The following FHIT variants were observed in gnomAD, a reference collection of about 807,000 sequenced individuals.
FHIT encodes the protein fragile histidine triad diadenosine triphosphatase, also known as bis(5'-adenosyl)-triphosphatase.
A neutral mutation model predicts 17.9 loss-of-function variants in FHIT; 19 were observed. The ratio of observed to expected loss-of-function variants is 1.06; its 90% CI spans 0.74 to 1.56. The LOEUF is 1.56. Among genes scored for constraint, FHIT ranks in the 40% most tolerant of loss-of-function variants. The probability of loss-of-function intolerance (pLI) is 0.00; values close to 1 mark genes in which losing one functional copy is unlikely to be tolerated. For missense variants in FHIT, 248 were observed against 189.2 expected (o/e 1.31, Z -1.82); for synonymous variants, 81 against 69.7 (o/e 1.16, Z -0.81).
At chr3:60,164,059 A>AT (rs201433252) in intron 5 of FHIT, among the ~76,000 whole-genome samples, 120 of 151,996 alleles carry the variant, frequency 7.9e-4, no homozygotes, top group African/African-American at 2.8e-3. Context: ...CAACAAAAAC[A>AT]TTTTTTTTGG....
chr3:60,071,601 G>C (rs1327853692), intron 5 of FHIT, among the ~76,000 whole-genome samples: 5 of 152,142 alleles, frequency 3.3e-5, no homozygotes, highest in African/African-American at 1.2e-4. Flanking sequence ...AATAAGACTT[G>C]TTGAATGTCT....
At chr3:59,886,546 C>T (rs999366565) in intron 8 of FHIT, among the ~76,000 whole-genome samples, 4 of 152,102 alleles carry the variant, frequency 2.6e-5, no homozygotes, top group African/African-American at 9.7e-5. Flanking sequence ...TGAAGGGGGG[C>T]TGTGTGTGCA....
Position 60,613,782 on chromosome 3 carries a change from A to G in FHIT, c.-17-76803T>C, listed in dbSNP as rs2038857818. Among the ~76,000 whole-genome samples, 4 of 152,236 alleles carry G rather than the reference A, an allele frequency of 2.6e-5. No individual in the cohort carries two copies. The South Asian group carries it at 8.3e-4, about 32-fold the overall frequency. On this transcript the variant is annotated intron_variant, in intron 4 of 9. Transcript: ENST00000492590. Reference sequence around the variant, plus strand: ...AAGAGCTTATAAGGGCTAAGGGGCTACTAGTAGCTTCTCCCCATGCAACAT... The same window carrying G: ...AAGAGCTTATAAGGGCTAAGGGGCTGCTAGTAGCTTCTCCCCATGCAACAT...
rs544825511 is a variant in FHIT at position 59,756,034 on chromosome 3, GTTAAGTGGTAT to G, written c.349-3724_349-3714del. On this transcript the variant is annotated intron_variant, in intron 8 of 9. Coordinates refer to ENST00000492590, the MANE Select transcript of FHIT (RefSeq NM_002012.4). ...TGAGCAGTGCCGTGCCTGACACATAGTTAAGTGGTATTTAATATTCCCTGCTGCTGCTACTA... is the reference window on the plus strand; with the variant it reads ...TGAGCAGTGCCGTGCCTGACACATAGTTAATATTCCCTGCTGCTGCTACTA... Among the ~76,000 whole-genome samples, 4 of 152,274 alleles carry G rather than the reference GTTAAGTGGTAT, an allele frequency of 2.6e-5. 1 individual carries two copies. In the South Asian group the frequency reaches 8.3e-4, roughly 32 times the overall value.
At chr3:60,848,711 A>T (rs1553747364) in intron 3 of FHIT, among the ~76,000 whole-genome samples, 1 of 152,206 alleles carries the variant, frequency 6.6e-6, no homozygotes, top group African/African-American at 2.4e-5. Context: ...TAAAGATGAA[A>T]TGAGGTAATC....
chr3:60,445,883 T>C (rs1352369611), intron 5 of FHIT, among the ~76,000 whole-genome samples: 1 of 152,092 alleles, frequency 6.6e-6, no homozygotes, highest in African/African-American at 2.4e-5. Context: ...GAAACTGTAA[T>C]AGCCACTCTT....
chr3:60,005,293 A>T (rs1486588005), intron 7 of FHIT, among the ~76,000 whole-genome samples: 1 of 144,304 alleles, frequency 6.9e-6, no homozygotes, highest in African/African-American at 2.6e-5. Context: ...ATCAAAGTTA[A>T]CAAACTAGAA....
chr3:60,040,100 CA>C (rs940701302), intron 5 of FHIT, among the ~76,000 whole-genome samples: 2 of 152,068 alleles, frequency 1.3e-5, no homozygotes, highest in African/African-American at 2.4e-5. Context: ...AAGATAGTGT[CA>C]AAAAATTGAT....
chr3:60,390,205 T>C (rs974345388), intron 5 of FHIT, among the ~76,000 whole-genome samples: 13 of 152,114 alleles, frequency 8.5e-5, no homozygotes, highest in Middle Eastern at 3.2e-3. Flanking sequence ...TGAGTAACAA[T>C]ATATGGGTAT....
intron 4 of FHIT, among the ~76,000 whole-genome samples, chr3:60,716,568 C>T (rs1333862477): frequency 6.6e-6 from 1 of 152,110 alleles, no homozygotes; most frequent in East Asian, 1.9e-4. Context: ...ACAATGCCTT[C>T]TTCTGAATAC....
chr3:60,548,843 C>T (rs558556248), intron 4 of FHIT, among the ~76,000 whole-genome samples: 1 of 152,284 alleles, frequency 6.6e-6, no homozygotes, highest in South Asian at 2.1e-4. Context: ...AAACAAATTC[C>T]TATACTTCAT....
At chr3:61,021,464 C>T (rs12491946) in intron 3 of FHIT, among the ~76,000 whole-genome samples, 63,450 of 134,038 alleles carry the variant, frequency 0.47, 18,651 homozygotes, top group East Asian at 0.7. Context: ...CCGGGCGTAG[C>T]GGCGGGCGCC....
At chr3:60,508,443 G>T (rs1346637367) in intron 5 of FHIT, among the ~76,000 whole-genome samples, 1 of 152,084 alleles carries the variant, frequency 6.6e-6, no homozygotes, top group East Asian at 1.9e-4. Flanking sequence ...CACAGTTACA[G>T]GTGGAAACTG....
At chr3:60,620,987 C>G (rs2039108468) in intron 4 of FHIT, among the ~76,000 whole-genome samples, 1 of 151,862 alleles carries the variant, frequency 6.6e-6, no homozygotes, top group Non-Finnish European at 1.5e-5. Flanking sequence ...TTCTTAAAAC[C>G]AAATAATATA....
intron 5 of FHIT, among the ~76,000 whole-genome samples, chr3:60,365,509 A>G (rs948299497): frequency 2.0e-5 from 3 of 152,182 alleles, no homozygotes; most frequent in African/African-American, 7.2e-5. Flanking sequence ...TAAATAGCCT[A>G]ATGACTCATT....
chr3:60,152,941 G>C (rs868046937), intron 5 of FHIT, among the ~76,000 whole-genome samples: 59 of 152,170 alleles, frequency 3.9e-4, no homozygotes, highest in African/African-American at 1.3e-3. Flanking sequence ...AAAAGAAAAA[G>C]CTCTAAAGGA....
intron 4 of FHIT, among the ~76,000 whole-genome samples, chr3:60,541,285 T>C (rs2036177751): frequency 6.6e-6 from 1 of 152,242 alleles, no homozygotes. Context: ...CAAGTGGCAG[T>C]GCTTCAGATA....
intron 5 of FHIT, among the ~76,000 whole-genome samples, chr3:60,174,137 CTT>C (rs1701560899): frequency 6.6e-6 from 1 of 151,206 alleles, no homozygotes; most frequent in Non-Finnish European, 1.5e-5. Flanking sequence ...GTCTCCATCT[CTT>C]GACCTCCTGA....
At chr3:60,202,075 A>C (rs1236399572) in intron 5 of FHIT, among the ~76,000 whole-genome samples, 1 of 152,210 alleles carries the variant, frequency 6.6e-6, no homozygotes, top group African/African-American at 2.4e-5. Flanking sequence ...TTTTTAACCC[A>C]TTCATTCAAT....
Sources: gnomAD v4.1 joint callset for allele counts (sites outside exome capture counted in the v4.1 genomes callset) on GRCh38, gnomAD v4.1.1 for gene constraint, MANE v1.5 for transcripts, NCBI Gene and HGNC (gene_info 2026-07-23, HGNC 2026-07-21) for gene names.